Variants in ZNF831 observed in about 807,000 individuals in gnomAD.
The protein encoded by ZNF831 is chromosome 20 open reading frame 174.
A neutral mutation model predicts 95.8 loss-of-function variants in ZNF831; 59 were observed. The ratio of observed to expected loss-of-function variants is 0.62; its 90% confidence interval spans 0.50 to 0.77. ZNF831 has a LOEUF of 0.77. Among genes scored for constraint, ZNF831 ranks in the 30% least tolerant of loss-of-function variants. The pLI, the probability that ZNF831 is intolerant of heterozygous loss-of-function variation, is 0.00. For missense variants in ZNF831, 2,205 were observed against 2,164.0 expected (o/e 1.02, Z -0.38); for synonymous variants, 961 against 925.5 (o/e 1.04, Z -0.70).
At chr20:59,146,920 C>G (rs1979899096) in intron 2 of ZNF831, 1 of 152,218 alleles carries the variant, frequency 6.6e-6, no homozygotes, top group African/African-American at 2.4e-5. Context: ...CTGCAGAGTT[C>G]TGTGTGGAAT....
intron 4 of ZNF831, among the ~76,000 whole-genome samples, chr20:59,222,699 C>T (rs1432799247): frequency 6.6e-6 from 1 of 152,184 alleles, no homozygotes; most frequent in Non-Finnish European, 1.5e-5. Context: ...GCGCCCATCG[C>T]GGGCACCGCC....
At chr20:59,190,261 G>A (rs565945037) in intron 1 of ZNF831, among the ~76,000 whole-genome samples, 7 of 152,310 alleles carry the variant, frequency 4.6e-5, no homozygotes, top group African/African-American at 9.6e-5. Context: ...GATAAGCAGC[G>A]CTCAGTGTTT....
At chr20:59,165,188 G>T (rs1043432691) in intron 1 of ZNF831, among the ~76,000 whole-genome samples, 2 of 152,158 alleles carry the variant, frequency 1.3e-5, no homozygotes, top group East Asian at 1.9e-4. Context: ...TGTGAGCAGG[G>T]TTACCCAAAA....
intron 4 of ZNF831, among the ~76,000 whole-genome samples, chr20:59,232,536 T>C (rs1237639821): frequency 1.3e-5 from 2 of 151,994 alleles, no homozygotes; most frequent in Non-Finnish European, 2.9e-5. Flanking sequence ...AACCCTTTGA[T>C]AGACCTTCCA....
intron 4 of ZNF831, among the ~76,000 whole-genome samples, chr20:59,211,884 G>T (rs971771207): frequency 6.6e-6 from 1 of 152,140 alleles, no homozygotes; most frequent in East Asian, 1.9e-4. Context: ...CAATGATGGG[G>T]TAATCTGTTT....
chr20:59,183,851 C>T (rs532169806), intron 1 of ZNF831, among the ~76,000 whole-genome samples: 18 of 152,292 alleles, frequency 1.2e-4, no homozygotes, highest in African/African-American at 4.1e-4. Context: ...GAGCATCTTG[C>T]AAATGAGGGT....
At position 59,193,564 on chromosome 20, in the gene ZNF831, C is replaced by T. The variant is rs746727463; in HGVS notation, c.2545C>T (p.Gln849Ter). Residue 849 changes from glutamine to a stop codon, truncating the protein, a stop_gained, in exon 2 of 6, where the codon CAG becomes TAG. Coordinates refer to ENST00000371030, the MANE Select transcript of ZNF831 (RefSeq NM_178457.3). LOFTEE classifies it high-confidence loss of function. Reference protein sequence around the residue: ...VSAETPGGPTQPASLSSQKQD... With the variant: ...VSAETPGGPT ...CGCAGAGACCCCAGGTGGGCCCACG[C>T]AGCCTGCCTCTTTGTCATCCCAGAA... The T allele has an allele frequency of 1.2e-6, 2 of 1,606,442 alleles. No individual in the cohort carries two copies. The highest frequency in any genetic ancestry group is 1.7e-6 in the Non-Finnish European group (2 of 1,176,572).
chr20:59,222,955 C>T (rs565323130), intron 4 of ZNF831, among the ~76,000 whole-genome samples: 12 of 152,238 alleles, frequency 7.9e-5, no homozygotes, highest in South Asian at 4.1e-4. Flanking sequence ...TCGGCTGGGA[C>T]CCCCCGCTGA....
chr20:59,249,056 C>T (rs1308449657), intron 4 of ZNF831, among the ~76,000 whole-genome samples: 4 of 152,214 alleles, frequency 2.6e-5, no homozygotes, highest in African/African-American at 9.6e-5. Context: ...CCACATTGGC[C>T]CCCCATGGGT....
In ZNF831 at chr20:59,192,284, C is replaced by T. The variant is rs201899300; in HGVS notation, c.1265C>T (p.Ala422Val). 3 of 1,588,272 alleles carry T rather than the reference C, an allele frequency of 1.9e-6. No homozygotes were observed. In the African/African-American group the frequency reaches 4.0e-5, roughly 21 times the overall value. ...CACAACCAGGCGGTGGTGGACGATG[C>T]CCAGCTGGACAACGTGCGGCCCCGG... ...ISHNQAVVDD[A>V]QLDNVRPRKT... Residue 422 changes from alanine to valine, a missense_variant, in exon 2 of 6, where the codon GCC becomes GTC. Ala to Val is a moderately conservative substitution (Grantham distance 64, BLOSUM62 0). Transcript: ENST00000371030. The surrounding 1 kb of genome is among the most constrained non-coding windows in gnomAD (Gnocchi z 5.2).
In ZNF831 at chr20:59,127,218, A is replaced by G. The variant is rs116493363; in HGVS notation, c.-1425+3713A>G. Among the ~76,000 whole-genome samples the G allele has an allele frequency of 9.9e-3, 1,503 of 152,188 alleles. 13 individuals are homozygous for G. Among genetic ancestry groups the G allele is most frequent in the African/African-American group, 0.034 (1,419 of 41,524 alleles). On this transcript the variant is annotated intron_variant, in intron 1 of 7. Transcript: ENST00000637017. ...TTTGAAGCATAGTCTGAATCTGGCCATTTGTCGCACCTCCATCACTGTCTC... is the reference window on the plus strand; with the variant it reads ...TTTGAAGCATAGTCTGAATCTGGCCGTTTGTCGCACCTCCATCACTGTCTC...
Position 59,128,145 on chromosome 20 carries a change from A to T in ZNF831, c.-1425+4640A>T, listed in dbSNP as rs546894963. Reference sequence around the variant, plus strand: ...TTTATGTAAGCACATAAATGAAAAGATGATCACAGATTGTGACAAATGCCA... The same window carrying T: ...TTTATGTAAGCACATAAATGAAAAGTTGATCACAGATTGTGACAAATGCCA... On this transcript the variant is annotated intron_variant, in intron 1 of 7. Coordinates refer to the ZNF831 transcript ENST00000637017. 2.0e-5 allele frequency among the ~76,000 whole-genome samples: 3 copies of T among 152,388 alleles called. No homozygotes were observed. In the South Asian group the frequency reaches 6.2e-4, roughly 32 times the overall value.
chr20:59,207,246 T>C (rs914532852), intron 4 of ZNF831, among the ~76,000 whole-genome samples, 190 bp downstream of exon 4: 3 of 152,140 alleles, frequency 2.0e-5, no homozygotes, highest in Non-Finnish European at 4.4e-5. Flanking sequence ...GGGGAGGGCA[T>C]GTGGTAGAAG....
In ZNF831 at chr20:59,193,338, A is replaced by G. The variant is rs1337684848; in HGVS notation, c.2319A>G (p.Val773=). Residue 773 remains valine (V), a synonymous_variant, in exon 2 of 6, where the codon GTA becomes GTG. Coordinates refer to ENST00000371030, the MANE Select transcript of ZNF831 (RefSeq NM_178457.3). ...PAPGPLKGGD[V]EAPRPVWPDP... is the part of the protein sequence containing the mutation. ...CTGGCCCCCTCAAAGGGGGTGATGT[A>G]GAGGCTCCCAGGCCAGTTTGGCCGG... The G allele has an allele frequency of 6.2e-7, 1 of 1,612,852 alleles. No individual in the cohort carries two copies. Among genetic ancestry groups the G allele is most frequent in the Non-Finnish European group, 8.5e-7 (1 of 1,179,418 alleles).
rs928967156 is a variant in ZNF831, at chr20:59,129,537, T to G, written c.-1425+6032T>G. 6.6e-5 allele frequency among the ~76,000 whole-genome samples: 10 copies of G among 152,268 alleles called. No homozygotes were observed. In the East Asian group the frequency reaches 1.7e-3, roughly 26 times the overall value. On this transcript the variant is annotated intron_variant, in intron 1 of 7. Coordinates refer to the ZNF831 transcript ENST00000637017. ...ACTCAGGAGGCTGAGGCAGGAGAAT[T>G]GCTTGAATCCGGGAGGCAGAAGTTG...
At chr20:59,137,890 T>C (rs1979561223) in intron 1 of ZNF831, among the ~76,000 whole-genome samples, 1 of 152,214 alleles carries the variant, frequency 6.6e-6, no homozygotes, top group South Asian at 2.1e-4. Flanking sequence ...TCCAAGACTG[T>C]GGCCCCTTCC....
chr20:59,181,203 G>A (rs1364419434), intron 1 of ZNF831, among the ~76,000 whole-genome samples: 4 of 152,086 alleles, frequency 2.6e-5, no homozygotes, highest in East Asian at 1.9e-4. Context: ...CATATCCTTC[G>A]CCCACTTTTT....
Position 59,191,164 on chromosome 20 carries a change from GC to G in ZNF831, c.153del (p.Thr52LeufsTer4), listed in dbSNP as rs750329558. On this transcript the variant is annotated frameshift_variant, in exon 2 of 6. Transcript: ENST00000371030. LOFTEE classifies it high-confidence loss of function. ...CCTTCTGCCGCCAGAGCAGGGCCTG[GC>G]CCCCCCCACTGTGTTCCTGAAGGCC... ...PVLLPPEQGL[A>X]PPTVFLKALP... 144 of 1,598,490 alleles carry G rather than the reference GC, an allele frequency of 9.0e-5. 1 individual carries two copies. The Admixed American group carries it at 1.8e-3, about 20-fold the overall frequency.
In ZNF831 at chr20:59,253,005, G is replaced by C; in HGVS notation, c.4055G>C (p.Cys1352Ser). Residue 1352 changes from cysteine (C) to serine (S), a missense_variant, in exon 5 of 6, where the codon TGT (cysteine) becomes TCT (serine). Physicochemically the swap from Cys to Ser is moderately radical, Grantham distance 112. Coordinates refer to ENST00000371030, the MANE Select transcript of ZNF831 (RefSeq NM_178457.3). ...AGLNLQEEPS[C>S]ATSESPPCCG... Reference sequence around the variant, plus strand: ...CTGAATCTGCAAGAGGAGCCATCTTGTGCCACCTCAGAATCACCTCCTTGT... The same window carrying C: ...CTGAATCTGCAAGAGGAGCCATCTTCTGCCACCTCAGAATCACCTCCTTGT... The C allele has an allele frequency of 6.2e-7, 1 of 1,613,980 alleles. No individual in the cohort carries two copies. The highest frequency in any genetic ancestry group is 8.5e-7 in the Non-Finnish European group (1 of 1,179,928).
Sources: gnomAD v4.1 joint callset for allele counts (sites outside exome capture counted in the v4.1 genomes callset) on GRCh38, gnomAD v4.1.1 for gene constraint, Gnocchi (gnomAD v3.1) non-coding constraint, MANE v1.5 for transcripts, NCBI Gene and HGNC (gene_info 2026-07-23, HGNC 2026-07-21) for gene names.